Variants in STAU2 observed in about 807,000 individuals in gnomAD.
The protein encoded by STAU2 is double-stranded RNA-binding protein Staufen homolog 2.
Under a neutral mutation model 65.9 loss-of-function variants are expected in STAU2, and 20 were observed. The observed-to-expected ratio is 0.30, with a 90% CI of 0.21 to 0.44. The LOEUF is 0.44. STAU2 is among the 20% of genes least tolerant of loss of function. The pLI is 1.00. For synonymous variants in STAU2, 232 were observed against 233.9 expected (o/e 0.99, Z 0.07); for missense variants, 558 against 683.9 (o/e 0.82, Z 2.05).
At chr8:73,634,737 G>A (rs139659987) in intron 6 of STAU2, among the ~76,000 whole-genome samples, 1 of 152,070 alleles carries the variant, frequency 6.6e-6, no homozygotes, top group East Asian at 1.9e-4. Context: ...CCACGTTAGG[G>A]CCTTTACAAT....
At chr8:73,500,381 T>C (rs925714459) in intron 13 of STAU2, among the ~76,000 whole-genome samples, 2 of 151,932 alleles carry the variant, frequency 1.3e-5, no homozygotes, top group African/African-American at 4.8e-5. Flanking sequence ...TTTTGCTTTT[T>C]GAAACTTTGT....
At position 73,429,121 on chromosome 8, in the gene STAU2, CAA is replaced by C. The variant is rs564459331; in HGVS notation, c.1531-6421_1531-6420del. Among the ~76,000 whole-genome samples the C allele has an allele frequency of 8.5e-5, 13 of 152,288 alleles. No individual in the cohort carries two copies. The East Asian group carries it at 2.5e-3, about 29-fold the overall frequency. On this transcript the variant is annotated intron_variant, in intron 13 of 14. Coordinates refer to ENST00000524300, the MANE Select transcript of STAU2 (RefSeq NM_001164380.2). ...CACATCTCACTGATAACCCTGAATA[CAA>C]TAGCTTATAAGTATGAGAGGGATTT...
In STAU2 at chr8:73,688,177, A is replaced by AT. The variant is rs746873037; in HGVS notation, c.274+476dup. Among the ~76,000 whole-genome samples the AT allele has an allele frequency of 4.2e-3, 550 of 130,156 alleles. 7 individuals are homozygous for AT. Among genetic ancestry groups the AT allele is most frequent in the East Asian group, 0.016 (69 of 4,420 alleles). The allele number at this position is 130,156 out of a possible 152,430, so 85.4% of individuals were successfully genotyped here. ...TTACTTTCTTCATCCTCTCACCTTC[A>AT]TTTTTTTTTTTTTTTTGAGATGGAG... On this transcript the variant is annotated intron_variant, in intron 5 of 14. Transcript: ENST00000524300.
At chr8:73,472,698 G>A (rs901406492) in intron 13 of STAU2, among the ~76,000 whole-genome samples, 2 of 151,832 alleles carry the variant, frequency 1.3e-5, no homozygotes, top group Non-Finnish European at 2.9e-5. Context: ...TCATATAATA[G>A]AGAGATAAAA....
At chr8:73,503,728 C>T (rs1344763103) in intron 13 of STAU2, among the ~76,000 whole-genome samples, 9 of 151,954 alleles carry the variant, frequency 5.9e-5, no homozygotes, top group African/African-American at 2.2e-4. Context: ...AGTGATGCAA[C>T]GTTAATATCT....
chr8:73,631,002 G>A (rs1010803152), intron 6 of STAU2, among the ~76,000 whole-genome samples: 1 of 152,058 alleles, frequency 6.6e-6, no homozygotes. Context: ...ACCATACCCG[G>A]GAGAACATCA....
chr8:73,460,253 A>G (rs1819282917), intron 13 of STAU2, among the ~76,000 whole-genome samples: 1 of 152,198 alleles, frequency 6.6e-6, no homozygotes, highest in Non-Finnish European at 1.5e-5. Context: ...AAACTAGAAG[A>G]AAATGGGGGC....
chr8:73,738,971 G>A (rs897476275), intron 2 of STAU2, among the ~76,000 whole-genome samples: 1 of 151,980 alleles, frequency 6.6e-6, no homozygotes, highest in Admixed American at 6.6e-5. Flanking sequence ...CAGGCTGGGC[G>A]TGGTAATCCC....
chr8:73,530,798 A>G (rs1413941217), intron 13 of STAU2, among the ~76,000 whole-genome samples: 2 of 152,148 alleles, frequency 1.3e-5, no homozygotes, highest in Non-Finnish European at 2.9e-5. Context: ...TTTGAACAGC[A>G]TGAGAGAATC....
At chr8:73,519,452 C>A (rs948726241) in intron 13 of STAU2, among the ~76,000 whole-genome samples, 2 of 151,856 alleles carry the variant, frequency 1.3e-5, no homozygotes, top group South Asian at 2.1e-4. Flanking sequence ...ATTTAGGACG[C>A]CACGAAAAAT....
chr8:73,651,196 A>G, intron 6 of STAU2: 1 of 951,484 alleles, frequency 1.1e-6, no homozygotes, highest in Non-Finnish European at 1.6e-6. Flanking sequence ...TCAGGCCGTC[A>G]GCATCAAGGA....
At chr8:73,694,136 T>C (rs916547766) in intron 4 of STAU2, among the ~76,000 whole-genome samples, 21 of 152,136 alleles carry the variant, frequency 1.4e-4, no homozygotes, top group Admixed American at 6.5e-5. Context: ...AAGAAAGCAA[T>C]TAAGAAGACA....
chr8:73,688,159 C>T (rs12676412), intron 5 of STAU2, among the ~76,000 whole-genome samples: 30,808 of 150,372 alleles, frequency 0.2, 3,515 homozygotes, highest in East Asian at 0.37. Context: ...CAATTACTTT[C>T]TTCATCCTCT....
intron 6 of STAU2, among the ~76,000 whole-genome samples, chr8:73,654,422 C>A (rs190438631): frequency 6.6e-6 from 1 of 151,598 alleles, no homozygotes; most frequent in Non-Finnish European, 1.5e-5. Context: ...GAGGCCAAGG[C>A]GGGAGGATTG....
chr8:73,605,209 T>A (rs1375016130), intron 9 of STAU2, among the ~76,000 whole-genome samples: 1 of 151,772 alleles, frequency 6.6e-6, no homozygotes, highest in Non-Finnish European at 1.5e-5. Flanking sequence ...AAAATACTGC[T>A]GAAATTAAGA....
chr8:73,508,666 G>C (rs963975165), intron 13 of STAU2, among the ~76,000 whole-genome samples: 4 of 152,092 alleles, frequency 2.6e-5, no homozygotes, highest in African/African-American at 7.2e-5. Context: ...GGTAAACAAT[G>C]CACTTTCTGC....
rs3032943 is a variant in STAU2 at position 73,495,662 on chromosome 8, AATAT to A, written c.1530+56346_1530+56349del. 8.2e-3 allele frequency among the ~76,000 whole-genome samples: 1,090 copies of A among 132,378 alleles called. 20 individuals carry two copies. Among genetic ancestry groups the A allele is most frequent in the African/African-American group, 0.023 (797 of 33,974 alleles). 86.8% of individuals were successfully genotyped at this position (132,378 alleles called of 152,430 possible). The stretch of plus-strand genomic sequence containing the variant: ...CTCTAAGGAATGATTCATAAAGCCA[AATAT>A]ATATATATATATATATATATATGTA... On this transcript the variant is annotated intron_variant, in intron 13 of 14. Transcript: ENST00000524300.
At chr8:73,551,418 C>A in intron 13 of STAU2, 6 of 987,072 alleles carry the variant, frequency 6.1e-6, no homozygotes, top group Non-Finnish European at 7.2e-6. Flanking sequence ...AAAACATGAT[C>A]CAGTAAAACA....
At chr8:73,668,927 A>G (rs561289533) in intron 6 of STAU2, 77 of 646,064 alleles carry the variant, frequency 1.2e-4, no homozygotes, top group Middle Eastern at 2.5e-4. Context: ...TTTGCTTAAT[A>G]TTACTTTAAG....
Sources: gnomAD v4.1 joint callset for allele counts (sites outside exome capture counted in the v4.1 genomes callset) on GRCh38, gnomAD v4.1.1 for gene constraint, MANE v1.5 for transcripts, NCBI Gene and HGNC (gene_info 2026-07-23, HGNC 2026-07-21) for gene names.